Variants in ZNF649 observed in about 807,000 individuals in gnomAD.
ZNF649 encodes the protein zinc finger protein 649.
In ZNF649, 7 loss-of-function variants were observed where a neutral mutation model predicts 14.1. The ratio of observed to expected loss-of-function variants is 0.49; its 90% CI spans 0.28 to 0.93. ZNF649 has a LOEUF of 0.93. Among genes scored for constraint, ZNF649 ranks in the 40% least tolerant of loss-of-function variants. The probability of loss-of-function intolerance (pLI) is 0.10; values close to 1 mark genes in which losing one functional copy is unlikely to be tolerated. For synonymous variants in ZNF649, 227 were observed against 212.3 expected, an observed-to-expected ratio of 1.07 and a Z score of -0.60; for missense variants, 544 against 608.1, an observed-to-expected ratio of 0.89 and a Z score of 1.11.
chr19:51,894,430 G>A lies in ZNF649; in HGVS notation c.238+2042C>T, dbSNP rs151225251. ...ATTACAGGCATGAGCCACCGCACCC[G>A]GCCTTCAGGCTAATCTTCTGACAGT... On this transcript the variant is annotated intron_variant, in intron 4 of 4. Transcript: ENST00000354957. Among the ~76,000 whole-genome samples the A allele has an allele frequency of 5.6e-3, 854 of 152,176 alleles. 3 individuals are homozygous for A. Among genetic ancestry groups the A allele is most frequent in the South Asian group, 0.012 (56 of 4,820 alleles).
intron 1 of ZNF649, among the ~76,000 whole-genome samples, chr19:51,901,121 A>T (rs1282210952): frequency 6.6e-6 from 1 of 152,230 alleles, no homozygotes; most frequent in African/African-American, 2.4e-5. Flanking sequence ...GAAATGCTAT[A>T]GACCAAGGAA....
intron 4 of ZNF649, among the ~76,000 whole-genome samples, chr19:51,894,195 C>T (rs1450513995): frequency 1.3e-5 from 2 of 151,820 alleles, no homozygotes; most frequent in African/African-American, 4.8e-5. Context: ...TACAGTGGCA[C>T]GATCTTGGCT....
intron 2 of ZNF649, among the ~76,000 whole-genome samples, chr19:51,898,550 C>A (rs1272962471): frequency 6.6e-6 from 1 of 152,136 alleles, no homozygotes; most frequent in Admixed American, 6.5e-5. Flanking sequence ...CCCCACCCCC[C>A]ACTTCCACAT....
chr19:51,890,379 A>C lies in ZNF649; in HGVS notation c.*239T>G. The C allele has an allele frequency of 2.2e-6, 1 of 452,652 alleles. No individual in the cohort carries two copies. The highest frequency in any genetic ancestry group is 3.9e-6 in the Non-Finnish European group (1 of 256,796). 28.0% of individuals were successfully genotyped at this position (452,652 alleles called of 1,614,324 possible). A position where few individuals can be genotyped will look rare whatever the true frequency, so the allele number is the denominator to read the frequency against. ...GGAGTAAGAGATATCATTCTGAGGA[A>C]CACCAAGTGGAAGCCTCTAAAACTG... On this transcript the variant is annotated 3_prime_UTR_variant, in exon 5 of 5. Transcript: ENST00000354957.
intron 1 of ZNF649, among the ~76,000 whole-genome samples, chr19:51,904,422 C>A (rs554885099): frequency 2.6e-5 from 4 of 152,098 alleles, no homozygotes; most frequent in Non-Finnish European, 5.9e-5. Flanking sequence ...TATAGTTTCA[C>A]AACTCAACCC....
chr19:51,895,188 A>C (rs1427431408), intron 4 of ZNF649, among the ~76,000 whole-genome samples: 1 of 152,198 alleles, frequency 6.6e-6, no homozygotes, highest in Non-Finnish European at 1.5e-5. Context: ...GCAAAGTAGA[A>C]TGGGAATTTA....
At chr19:51,903,382 G>A (rs996923465) in intron 1 of ZNF649, among the ~76,000 whole-genome samples, 4 of 151,962 alleles carry the variant, frequency 2.6e-5, no homozygotes, top group African/African-American at 9.7e-5. Flanking sequence ...AGCCTCCCCC[G>A]TCCTAAGGCC....
chr19:51,893,186 T>A lies in ZNF649; in HGVS notation c.239-1289A>T, dbSNP rs142960180. On this transcript the variant is annotated intron_variant, in intron 4 of 4. Transcript: ENST00000354957. Reference sequence around the variant, plus strand: ...TTCTTATATCCTGTAAAAGACCTGCTAGCATACAGTCAAATTCCACCTCAT... The same window carrying A: ...TTCTTATATCCTGTAAAAGACCTGCAAGCATACAGTCAAATTCCACCTCAT... Among the ~76,000 whole-genome samples, 552 of 152,302 alleles carry A rather than the reference T, an allele frequency of 3.6e-3. 2 individuals carry two copies. The highest frequency in any genetic ancestry group is 1.0e-2 in the African/African-American group (414 of 41,554).
chr19:51,892,895 T>C (rs2085033921), intron 4 of ZNF649, among the ~76,000 whole-genome samples: 2 of 152,204 alleles, frequency 1.3e-5, no homozygotes, highest in African/African-American at 4.8e-5. Flanking sequence ...GAATAAACTA[T>C]GTTCTAACTG....
Position 51,890,868 on chromosome 19 carries a change from G to A in ZNF649, c.1268C>T (p.Thr423Ile). ...TKTMLIVHHR[T>I]HTGERPYGCD... is the part of the protein sequence containing the mutation. Reference sequence around the variant, plus strand: ...GCCATAGGGTCTCTCTCCCGTGTGAGTTCTGTGATGTACAATGAGCATTGT... The same window carrying A: ...GCCATAGGGTCTCTCTCCCGTGTGAATTCTGTGATGTACAATGAGCATTGT... Residue 423 changes from threonine (T) to isoleucine (I), a missense_variant, in exon 5 of 5, where the codon ACT becomes ATT. Physicochemically the swap from Thr to Ile is moderately conservative, Grantham distance 89. Transcript: ENST00000354957. 5.0e-6 allele frequency: 8 copies of A among 1,614,238 alleles called. No individual in the cohort carries two copies. The highest frequency in any genetic ancestry group is 6.8e-6 in the Non-Finnish European group (8 of 1,180,040).
chr19:51,892,952 C>T (rs1201372541), intron 4 of ZNF649, among the ~76,000 whole-genome samples: 1 of 152,138 alleles, frequency 6.6e-6, no homozygotes, highest in Non-Finnish European at 1.5e-5. Context: ...TTTTCTGTAG[C>T]AGCTAAACAA....
intron 4 of ZNF649, among the ~76,000 whole-genome samples, chr19:51,895,799 A>G (rs145734100): frequency 0.012 from 1,813 of 152,172 alleles, 42 homozygotes; most frequent in African/African-American, 0.042. Flanking sequence ...ACACACATAC[A>G]CATATATACA....
chr19:51,902,130 C>T (rs2085098736), intron 1 of ZNF649, among the ~76,000 whole-genome samples: 1 of 152,132 alleles, frequency 6.6e-6, no homozygotes, highest in Admixed American at 6.5e-5. Flanking sequence ...CAGGCCCTCA[C>T]CAGACACCAA....
intron 4 of ZNF649, among the ~76,000 whole-genome samples, chr19:51,893,281 C>T (rs926573609): frequency 6.6e-6 from 1 of 152,028 alleles, no homozygotes; most frequent in Non-Finnish European, 1.5e-5. Flanking sequence ...TCACTATGCA[C>T]ATGTTTGCTG....
chr19:51,892,444 T>G (rs1364427410), intron 4 of ZNF649, among the ~76,000 whole-genome samples: 1 of 148,412 alleles, frequency 6.7e-6, no homozygotes, highest in African/African-American at 2.5e-5. Flanking sequence ...TTTGGGAGGG[T>G]GAGGTGGGAA....
At chr19:51,893,846 G>T (rs1011767456) in intron 4 of ZNF649, among the ~76,000 whole-genome samples, 1 of 152,170 alleles carries the variant, frequency 6.6e-6, no homozygotes, top group African/African-American at 2.4e-5. Flanking sequence ...TCTGAATCAA[G>T]ACTTGAGGCA....
Position 51,896,549 on chromosome 19 carries a change from G to T in ZNF649, c.161C>A (p.Pro54His). Reference sequence around the variant, plus strand: ...TTGTTCCAACTTGGTGAGGGCATCAGGTTTGCCGGCTTGATACCCTGTTTG... The same window carrying T: ...TTGTTCCAACTTGGTGAGGGCATCATGTTTGCCGGCTTGATACCCTGTTTG... ...LVSVGYQAGK[P>H]DALTKLEQGE... Residue 54 changes from proline to histidine, a missense_variant, in exon 4 of 5, where the codon CCT becomes CAT. Coordinates refer to ENST00000354957, the MANE Select transcript of ZNF649 (RefSeq NM_023074.4). 6.2e-7 allele frequency: 1 copy of T among 1,614,180 alleles called. No homozygotes were observed. Among genetic ancestry groups the T allele is most frequent in the South Asian group, 1.1e-5 (1 of 91,080 alleles).
chr19:51,891,013 C>A lies in ZNF649; in HGVS notation c.1123G>T (p.Val375Leu), dbSNP rs1381025687. ...QRYHTGKTPF[V>L]CPECGQPCSQ... Reference sequence around the variant, plus strand: ...CAGGGTTGCCCACATTCAGGACATACAAAGGGAGTCTTTCCTGTATGATAT... The same window carrying A: ...CAGGGTTGCCCACATTCAGGACATAAAAAGGGAGTCTTTCCTGTATGATAT... Residue 375 changes from valine (V) to leucine (L), a missense_variant, in exon 5 of 5, where the codon GTA becomes TTA. Transcript: ENST00000354957. This position sits in a 1 kb window ranked among gnomAD's most constrained non-coding sequence, Gnocchi z 4.2. The A allele has an allele frequency of 6.2e-7, 1 of 1,614,070 alleles. No homozygotes were observed. The highest frequency in any genetic ancestry group is 8.5e-7 in the Non-Finnish European group (1 of 1,180,042).
chr19:51,897,922 G>T (rs1277316294), intron 2 of ZNF649, among the ~76,000 whole-genome samples: 2 of 151,960 alleles, frequency 1.3e-5, no homozygotes, highest in Non-Finnish European at 2.9e-5. Flanking sequence ...AGGAGTTTGA[G>T]ACCAGCCTGG....
Sources: gnomAD v4.1 joint callset for allele counts (sites outside exome capture counted in the v4.1 genomes callset) on GRCh38, gnomAD v4.1.1 for gene constraint, Gnocchi (gnomAD v3.1) non-coding constraint, MANE v1.5 for transcripts, NCBI Gene and HGNC (gene_info 2026-07-23, HGNC 2026-07-21) for gene names.